ROBO2: variants seen among roughly 807,000 people sequenced by gnomAD.
ROBO2 encodes roundabout homolog 2.
In ROBO2, 53 loss-of-function variants were observed where a neutral mutation model predicts 160.8. That is an observed-to-expected ratio of 0.33 (90% CI 0.26 to 0.41). ROBO2 has a LOEUF of 0.41. Among genes scored for constraint, ROBO2 ranks in the 10% least tolerant of loss-of-function variants. The probability of loss-of-function intolerance (pLI) is 1.00; values close to 1 mark genes in which losing one functional copy is unlikely to be tolerated. For synonymous variants in ROBO2, 664 were observed against 611.7 expected, an observed-to-expected ratio of 1.09 and a Z score of -1.26; for missense variants, 1,577 against 1,722.4, an observed-to-expected ratio of 0.92 and a Z score of 1.49.
chr3:77,388,262 T>G lies in ROBO2; in HGVS notation c.389-89152T>G, dbSNP rs193061202. Among the ~76,000 whole-genome samples the G allele has an allele frequency of 2.6e-5, 4 of 152,212 alleles. No individual in the cohort carries two copies. In the East Asian group the frequency reaches 7.7e-4, roughly 29 times the overall value. ...TGTATATTCAACAAATGAAAAGATT[T>G]TTGGCACCAGGCATGGTGGCTCACA... On this transcript the variant is annotated intron_variant, in intron 2 of 25. Coordinates refer to ENST00000461745, the Ensembl canonical transcript of ROBO2.
chr3:76,838,110 A>T (rs1343187111), intron 2 of ROBO2, among the ~76,000 whole-genome samples: 1 of 152,110 alleles, frequency 6.6e-6, no homozygotes, highest in Non-Finnish European at 1.5e-5. Flanking sequence ...GGTGGCTATT[A>T]TCCTCACCAA....
chr3:77,107,030 T>C (rs534880518), intron 2 of ROBO2, among the ~76,000 whole-genome samples: 2 of 152,296 alleles, frequency 1.3e-5, no homozygotes, highest in South Asian at 2.1e-4. Flanking sequence ...CTGGGTAGCT[T>C]TTTAGGAAAA....
chr3:76,977,397 G>C (rs1324350168), intron 2 of ROBO2, among the ~76,000 whole-genome samples: 1 of 152,126 alleles, frequency 6.6e-6, no homozygotes, highest in Non-Finnish European at 1.5e-5. Flanking sequence ...ATCTTTAAAA[G>C]GTTATAAATA....
intron 2 of ROBO2, among the ~76,000 whole-genome samples, chr3:76,804,672 C>A (rs139353732): frequency 3.8e-4 from 58 of 152,288 alleles, no homozygotes; most frequent in African/African-American, 1.4e-3. Flanking sequence ...AATATATCAT[C>A]TTTTCTTCCC....
chr3:76,109,034 G>T (rs150945383), intron 2 of ROBO2, among the ~76,000 whole-genome samples: 2 of 151,666 alleles, frequency 1.3e-5, no homozygotes, highest in African/African-American at 4.8e-5. Context: ...AATATCTAAC[G>T]TGAAGAAAAT....
At chr3:76,518,296 AT>A (rs954564583) in intron 2 of ROBO2, among the ~76,000 whole-genome samples, 1 of 151,634 alleles carries the variant, frequency 6.6e-6, no homozygotes, top group African/African-American at 2.4e-5. Context: ...TTTTTTTAGA[AT>A]TTTTTTTCTT....
chr3:76,916,289 G>A (rs766292380), intron 2 of ROBO2, among the ~76,000 whole-genome samples: 1 of 152,186 alleles, frequency 6.6e-6, no homozygotes, highest in Non-Finnish European at 1.5e-5. Context: ...AAGAACGTCT[G>A]AGTGAAGAAA....
intron 2 of ROBO2, among the ~76,000 whole-genome samples, chr3:76,175,573 C>G (rs1399137796): frequency 6.6e-6 from 1 of 151,920 alleles, no homozygotes; most frequent in African/African-American, 2.4e-5. Flanking sequence ...GAAAGATGGT[C>G]AAAATTTTTT....
At chr3:76,942,863 GA>G (rs2078281619) in intron 2 of ROBO2, among the ~76,000 whole-genome samples, 2 of 151,612 alleles carry the variant, frequency 1.3e-5, no homozygotes, top group Admixed American at 1.3e-4. Flanking sequence ...ACTCCTAACT[GA>G]AAAAAACAAT....
intron 2 of ROBO2, among the ~76,000 whole-genome samples, chr3:76,452,688 T>G (rs1235277865): frequency 6.6e-6 from 1 of 152,170 alleles, no homozygotes; most frequent in Non-Finnish European, 1.5e-5. Context: ...GGGTATATAC[T>G]CAGTAATGGG....
At chr3:76,912,326 T>A (rs1025627301) in intron 2 of ROBO2, among the ~76,000 whole-genome samples, 36 of 152,282 alleles carry the variant, frequency 2.4e-4, no homozygotes, top group African/African-American at 8.7e-4. Context: ...AGAAATAAGA[T>A]ACAGATAGTT....
At chr3:76,114,201 C>T (rs890717469) in intron 2 of ROBO2, among the ~76,000 whole-genome samples, 4 of 152,262 alleles carry the variant, frequency 2.6e-5, no homozygotes, top group Admixed American at 2.6e-4. Context: ...AATTGAGTTT[C>T]CAACACATGA....
At chr3:76,290,611 G>T (rs755491492) in intron 2 of ROBO2, among the ~76,000 whole-genome samples, 1 of 152,058 alleles carries the variant, frequency 6.6e-6, no homozygotes, top group African/African-American at 2.4e-5. Context: ...TTCTCAAGGC[G>T]TATGCTTCCA....
chr3:76,434,311 T>C, intron 2 of ROBO2: 8 of 1,101,304 alleles, frequency 7.3e-6, no homozygotes, highest in Non-Finnish European at 9.8e-6. Context: ...TCCAATTTGT[T>C]GGCACCCATC....
intron 2 of ROBO2, among the ~76,000 whole-genome samples, chr3:76,450,199 G>T (rs1227154454): frequency 2.0e-5 from 3 of 152,058 alleles, no homozygotes; most frequent in Admixed American, 2.0e-4. Flanking sequence ...AGCAAAAATG[G>T]GTTCTGGAAT....
At chr3:76,409,633 T>G (rs6762174) in intron 2 of ROBO2, among the ~76,000 whole-genome samples, 45,287 of 151,868 alleles carry the variant, frequency 0.3, 8,270 homozygotes, top group African/African-American at 0.5. Flanking sequence ...TTGAAGCATG[T>G]TATCTGGGAC....
At chr3:77,623,813 A>T (rs1214406362) in intron 23 of ROBO2, among the ~76,000 whole-genome samples, 1 of 152,190 alleles carries the variant, frequency 6.6e-6, no homozygotes, top group African/African-American at 2.4e-5. Flanking sequence ...ACTCTTTTCC[A>T]TTAGGAATGC....
Position 76,174,222 on chromosome 3 carries a change from C to A in ROBO2, c.109+236620C>A, listed in dbSNP as rs576968713. 5.9e-5 allele frequency among the ~76,000 whole-genome samples: 9 copies of A among 152,022 alleles called. No homozygotes were observed. In the South Asian group the frequency reaches 8.3e-4, roughly 14 times the overall value. On this transcript the variant is annotated intron_variant, in intron 2 of 26. Coordinates refer to the ROBO2 transcript ENST00000487694. Reference sequence around the variant, plus strand: ...TTTTGATGGGGTTGTTTGCTTTTTTCTTGTAAATTTGTTTAAGTTTTTTGT... The same window carrying A: ...TTTTGATGGGGTTGTTTGCTTTTTTATTGTAAATTTGTTTAAGTTTTTTGT...
chr3:76,392,477 A>G (rs1460422373), intron 2 of ROBO2, among the ~76,000 whole-genome samples: 3 of 152,166 alleles, frequency 2.0e-5, no homozygotes, highest in Admixed American at 1.3e-4. Flanking sequence ...ATTGATATGC[A>G]TGATGCTTTC....
Sources: gnomAD v4.1 joint callset for allele counts (sites outside exome capture counted in the v4.1 genomes callset) on GRCh38, gnomAD v4.1.1 for gene constraint, MANE v1.5 for transcripts, NCBI Gene and HGNC (gene_info 2026-07-23, HGNC 2026-07-21) for gene names.